EXOC6B: variants seen among roughly 807,000 people sequenced by gnomAD.
The protein encoded by EXOC6B is SEC15 homolog B.
In EXOC6B, 54 loss-of-function variants were observed where a neutral mutation model predicts 113.5. The observed-to-expected ratio is 0.48, with a 90% confidence interval of 0.38 to 0.60. The LOEUF (loss-of-function observed/expected upper bound fraction) is 0.60. Ranked by LOEUF, EXOC6B falls within the 20% of genes least tolerant of loss-of-function variation. The pLI is 0.00. For missense variants in EXOC6B, 797 were observed against 977.5 expected (o/e 0.82, Z 2.46); for synonymous variants, 357 against 339.0 (o/e 1.05, Z -0.58).
chr2:72,636,964 G>C (rs1293516994), intron 6 of EXOC6B, among the ~76,000 whole-genome samples: 3 of 150,494 alleles, frequency 2.0e-5, no homozygotes, highest in African/African-American at 7.3e-5. Flanking sequence ...AATAAGTTCA[G>C]CAAAGTCACA....
In EXOC6B at chr2:72,327,712, C is replaced by T. The variant is rs548992736; in HGVS notation, c.2196+7235G>A. On this transcript the variant is annotated intron_variant, in intron 20 of 21. Coordinates refer to ENST00000272427, the MANE Select transcript of EXOC6B (RefSeq NM_015189.3). ...AATGCCCTGAGGTAGAATTTCCAAA[C>T]GCACTTCCTCCCCAGTTAAGAAGCT... Among the ~76,000 whole-genome samples, 5 of 152,148 alleles carry T rather than the reference C, an allele frequency of 3.3e-5. No homozygotes were observed. The South Asian group carries it at 6.2e-4, about 19-fold the overall frequency.
intron 18 of EXOC6B, among the ~76,000 whole-genome samples, chr2:72,424,075 GTATCAA>G (rs1695067886): frequency 6.6e-6 from 1 of 151,950 alleles, no homozygotes; most frequent in African/African-American, 2.4e-5. Flanking sequence ...GTCAGGTTTT[GTATCAA>G]TATTATGTTG....
intron 20 of EXOC6B, among the ~76,000 whole-genome samples, chr2:72,239,233 C>T (rs1033188498): frequency 1.3e-5 from 2 of 151,944 alleles, no homozygotes; most frequent in Non-Finnish European, 2.9e-5. Flanking sequence ...TTTCTTTTTT[C>T]GAGTGTGTGT....
chr2:72,620,642 A>G (rs1671690170), intron 6 of EXOC6B, among the ~76,000 whole-genome samples: 1 of 152,058 alleles, frequency 6.6e-6, no homozygotes, highest in Admixed American at 6.5e-5. Flanking sequence ...AACAAAAAAT[A>G]TAAATTGAAA....
intron 20 of EXOC6B, among the ~76,000 whole-genome samples, chr2:72,233,825 G>A (rs1285365153): frequency 1.3e-5 from 2 of 152,140 alleles, no homozygotes; most frequent in African/African-American, 2.4e-5. Context: ...AGCACCCTAC[G>A]GCAGGGTGTG....
chr2:72,504,659 A>G (rs1265194378), intron 11 of EXOC6B, among the ~76,000 whole-genome samples: 2 of 152,222 alleles, frequency 1.3e-5, no homozygotes, highest in Non-Finnish European at 1.5e-5. Context: ...GAATATAGTT[A>G]GAGAAAAGTT....
intron 6 of EXOC6B, among the ~76,000 whole-genome samples, chr2:72,577,922 T>C (rs1307111573): frequency 6.6e-6 from 1 of 151,978 alleles, no homozygotes; most frequent in Non-Finnish European, 1.5e-5. Context: ...AGCATCTAGG[T>C]GTTTTCATTT....
chr2:72,536,281 T>C (rs1452956341), intron 8 of EXOC6B, among the ~76,000 whole-genome samples: 1 of 152,182 alleles, frequency 6.6e-6, no homozygotes, highest in Non-Finnish European at 1.5e-5. Flanking sequence ...AAAATAAACA[T>C]GTATAGTATT....
chr2:72,405,302 C>T (rs766303430), intron 18 of EXOC6B, among the ~76,000 whole-genome samples: 2 of 152,194 alleles, frequency 1.3e-5, no homozygotes, highest in African/African-American at 4.8e-5. Context: ...AGGAGAACTT[C>T]CCCAATCTAG....
chr2:72,765,033 A>T (rs1682976368), intron 1 of EXOC6B, among the ~76,000 whole-genome samples: 1 of 151,928 alleles, frequency 6.6e-6, no homozygotes, highest in Non-Finnish European at 1.5e-5. Flanking sequence ...TGGGAGGATT[A>T]CTTGAGCCCA....
intron 18 of EXOC6B, among the ~76,000 whole-genome samples, chr2:72,421,732 TGAG>T (rs1159518617): frequency 8.5e-5 from 13 of 152,212 alleles, no homozygotes; most frequent in Admixed American, 8.5e-4. Flanking sequence ...TGGCGGCACT[TGAG>T]GAGCCCTTCG....
In EXOC6B at chr2:72,266,856, A is replaced by T. The variant is rs187320103; in HGVS notation, c.2196+68091T>A. Among the ~76,000 whole-genome samples the T allele has an allele frequency of 6.2e-3, 941 of 152,244 alleles. 9 individuals are homozygous for T. Among genetic ancestry groups the T allele is most frequent in the African/African-American group, 0.021 (882 of 41,530 alleles). On this transcript the variant is annotated intron_variant, in intron 20 of 21. Coordinates refer to ENST00000272427, the MANE Select transcript of EXOC6B (RefSeq NM_015189.3). ...ATAAATTACCTTGGGCAGTATGGCC[A>T]TTTTCACGATATTCATTCTTCCTAC...
chr2:72,718,350 T>A, intron 5 of EXOC6B, 43 bp from the exon 6 acceptor site: 1 of 1,565,258 alleles, frequency 6.4e-7, no homozygotes, highest in African/African-American at 1.4e-5. Flanking sequence ...CAGTTTTCTT[T>A]AGGGTTAGGC....
At chr2:72,400,534 C>A (rs374357839) in intron 18 of EXOC6B, among the ~76,000 whole-genome samples, 2 of 151,792 alleles carry the variant, frequency 1.3e-5, no homozygotes, top group African/African-American at 4.8e-5. Context: ...TGTTTGCAAG[C>A]TATGCATCTG....
chr2:72,338,551 T>C (rs1192318788), intron 19 of EXOC6B, among the ~76,000 whole-genome samples: 4 of 152,148 alleles, frequency 2.6e-5, no homozygotes, highest in Non-Finnish European at 5.9e-5. Flanking sequence ...CATAGCAATT[T>C]TCATTAGTAT....
chr2:72,316,117 T>A (rs1687496835), intron 20 of EXOC6B, among the ~76,000 whole-genome samples: 1 of 152,124 alleles, frequency 6.6e-6, no homozygotes, highest in African/African-American at 2.4e-5. Flanking sequence ...ATAACAAGGA[T>A]GAAATTCTGG....
rs573263408 is a variant in EXOC6B, at chr2:72,690,105, C to CTTCCT, written c.669+27997_669+27998insAGGAA. On this transcript the variant is annotated intron_variant, in intron 6 of 21. Transcript: ENST00000272427. ...TGCCTATGAGGCTATGAGGAAAAAA[C>CTTCCT]ACTGACCTACTTCCAAAAATGTCAA... Among the ~76,000 whole-genome samples the CTTCCT allele has an allele frequency of 4.1e-4, 63 of 152,304 alleles. 1 individual carries two copies. Among genetic ancestry groups the CTTCCT allele is most frequent in the Middle Eastern group, 3.4e-3 (1 of 294 alleles).
intron 5 of EXOC6B, among the ~76,000 whole-genome samples, chr2:72,722,873 G>A (rs1052721903): frequency 6.6e-6 from 1 of 152,186 alleles, no homozygotes; most frequent in African/African-American, 2.4e-5. Flanking sequence ...TCACTGATGA[G>A]ACACATGGCT....
At chr2:72,500,032 TTTTA>T (rs1700240107) in intron 11 of EXOC6B, 60 bp from the exon 12 acceptor site, 3 of 1,118,598 alleles carry the variant, frequency 2.7e-6, no homozygotes, top group Non-Finnish European at 2.6e-6. Flanking sequence ...GCAATTAAAT[TTTTA>T]TTTATTTAAT....
Sources: gnomAD v4.1 joint callset for allele counts (sites outside exome capture counted in the v4.1 genomes callset) on GRCh38, gnomAD v4.1.1 for gene constraint, MANE v1.5 for transcripts, NCBI Gene and HGNC (gene_info 2026-07-23, HGNC 2026-07-21) for gene names.